Variants in PBX1 observed in about 807,000 individuals in gnomAD.
PBX1 encodes pre-B-cell leukemia transcription factor 1.
PBX1 carries 6 observed loss-of-function variants against 53.4 expected under a neutral mutation model. That is an observed-to-expected ratio of 0.11 (90% confidence interval 0.06 to 0.22). The LOEUF (loss-of-function observed/expected upper bound fraction) is 0.22, where lower values mean the gene tolerates loss of function less well. Ranked by LOEUF, PBX1 falls within the 10% of genes least tolerant of loss-of-function variation. The probability of loss-of-function intolerance (pLI) is 1.00; values close to 1 mark genes in which losing one functional copy is unlikely to be tolerated. For synonymous variants in PBX1, 204 were observed against 212.3 expected, an observed-to-expected ratio of 0.96 and a Z score of 0.34; for missense variants, 251 against 551.4, an observed-to-expected ratio of 0.46 and a Z score of 5.46.
intron 2 of PBX1, among the ~76,000 whole-genome samples, chr1:164,648,599 ATAG>A (rs1659603175): frequency 6.6e-6 from 1 of 152,222 alleles, no homozygotes; most frequent in African/African-American, 2.4e-5. Context: ...AAACCTGTAA[ATAG>A]TAGAGAAGGG....
intron 2 of PBX1, among the ~76,000 whole-genome samples, chr1:164,743,285 AT>A (rs1275497400): frequency 6.6e-6 from 1 of 152,172 alleles, no homozygotes; most frequent in Admixed American, 6.5e-5. Context: ...CAATCTTAGA[AT>A]TTTGGTTGAC....
intron 2 of PBX1, among the ~76,000 whole-genome samples, chr1:164,596,871 TA>T (rs879334067): frequency 2.9e-3 from 414 of 142,284 alleles, no homozygotes; most frequent in Middle Eastern, 7.1e-3. Context: ...TTTTCTAAAT[TA>T]AAAAAAAAAA....
At chr1:164,737,471 T>C (rs891325698) in intron 2 of PBX1, among the ~76,000 whole-genome samples, 3 of 152,096 alleles carry the variant, frequency 2.0e-5, no homozygotes, top group Non-Finnish European at 2.9e-5. Context: ...TTTACTTGTT[T>C]TTTTCTTTCC....
At chr1:164,711,893 G>A (rs1044907174) in intron 2 of PBX1, among the ~76,000 whole-genome samples, 14 of 152,180 alleles carry the variant, frequency 9.2e-5, no homozygotes, top group Admixed American at 3.9e-4. Context: ...AAGCATGGCC[G>A]TGGGGGCTGA....
chr1:164,673,458 T>C (rs1241221770), intron 2 of PBX1, among the ~76,000 whole-genome samples: 1 of 148,010 alleles, frequency 6.8e-6, no homozygotes, highest in Non-Finnish European at 1.5e-5. Flanking sequence ...TTCTGGAAAA[T>C]TACTAACTTT....
intron 2 of PBX1, among the ~76,000 whole-genome samples, chr1:164,861,760 G>A (rs1470720555): frequency 2.0e-5 from 3 of 152,220 alleles, no homozygotes; most frequent in African/African-American, 4.8e-5. Flanking sequence ...TGAGCAAGCT[G>A]TGGAAGGAAT....
intron 2 of PBX1, among the ~76,000 whole-genome samples, chr1:164,618,310 G>C (rs945279966): frequency 9.2e-5 from 13 of 140,664 alleles, no homozygotes; most frequent in East Asian, 2.3e-4. Flanking sequence ...GGGGGGGGGG[G>C]CACTCAAGAT....
intron 2 of PBX1, among the ~76,000 whole-genome samples, chr1:164,743,048 G>T (rs1571322750): frequency 6.6e-6 from 1 of 152,354 alleles, no homozygotes; most frequent in East Asian, 1.9e-4. Context: ...AGCCAGTGAA[G>T]AAGATTCCTA....
At chr1:164,624,399 GGTATGT>G (rs1383538787) in intron 2 of PBX1, among the ~76,000 whole-genome samples, 1 of 152,118 alleles carries the variant, frequency 6.6e-6, no homozygotes, top group Admixed American at 6.6e-5. Context: ...AACAAGGAGT[GGTATGT>G]GTAAAATCAT....
chr1:164,622,822 CTTT>C (rs11299132), intron 2 of PBX1, among the ~76,000 whole-genome samples: 10 of 106,272 alleles, frequency 9.4e-5, no homozygotes, highest in Admixed American at 2.0e-4. Context: ...CAGTTTCCAT[CTTT>C]TTTTTTTTTT....
At chr1:164,771,714 A>G (rs1004104711) in intron 2 of PBX1, 1 of 152,202 alleles carries the variant, frequency 6.6e-6, no homozygotes, top group African/African-American at 2.4e-5. Context: ...GGCATTTATT[A>G]CACCTCTGTT....
At chr1:164,807,127 C>T (rs1316192593) in intron 4 of PBX1, among the ~76,000 whole-genome samples, 2 of 152,024 alleles carry the variant, frequency 1.3e-5, no homozygotes, top group Non-Finnish European at 2.9e-5. Context: ...TGTTGTGGCA[C>T]GTGCCTGTAA....
At chr1:164,796,683 T>G (rs1668803825) in intron 3 of PBX1, among the ~76,000 whole-genome samples, 1 of 152,168 alleles carries the variant, frequency 6.6e-6, no homozygotes, top group South Asian at 2.1e-4. Flanking sequence ...AGGCTTCCCT[T>G]TCAGTGTCTG....
chr1:164,729,873 T>A (rs527952776), intron 2 of PBX1, among the ~76,000 whole-genome samples: 1 of 152,342 alleles, frequency 6.6e-6, no homozygotes, highest in South Asian at 2.1e-4. Context: ...TTACTGAATA[T>A]TTCCTCTGCA....
At chr1:164,629,521 T>C (rs1011284791) in intron 2 of PBX1, among the ~76,000 whole-genome samples, 1 of 152,168 alleles carries the variant, frequency 6.6e-6, no homozygotes, top group Non-Finnish European at 1.5e-5. Context: ...CTGATTACAT[T>C]CTTAGGGAAA....
At chr1:164,615,635 C>T (rs576983858) in intron 2 of PBX1, among the ~76,000 whole-genome samples, 2 of 152,232 alleles carry the variant, frequency 1.3e-5, no homozygotes, top group Non-Finnish European at 2.9e-5. Context: ...ATTGGATCGA[C>T]GAGGTGGTGA....
chr1:164,701,436 A>G (rs1663114660), intron 2 of PBX1, among the ~76,000 whole-genome samples: 3 of 152,224 alleles, frequency 2.0e-5, no homozygotes, highest in Admixed American at 2.0e-4. Context: ...TCATTAGCCA[A>G]GCTCAGTAAT....
intron 2 of PBX1, among the ~76,000 whole-genome samples, chr1:164,699,129 A>G (rs1662957299): frequency 6.6e-6 from 1 of 152,226 alleles, no homozygotes; most frequent in Non-Finnish European, 1.5e-5. Flanking sequence ...CTGGGTGATC[A>G]TCAGCATTCC....
intron 2 of PBX1, among the ~76,000 whole-genome samples, chr1:164,671,772 C>A (rs752849985): frequency 1.4e-4 from 22 of 152,058 alleles, no homozygotes; most frequent in Non-Finnish European, 3.1e-4. Context: ...GCCTCTGCGC[C>A]TTTGGAATGA....
Sources: gnomAD v4.1 joint callset for allele counts (sites outside exome capture counted in the v4.1 genomes callset) on GRCh38, gnomAD v4.1.1 for gene constraint, MANE v1.5 for transcripts, NCBI Gene and HGNC (gene_info 2026-07-23, HGNC 2026-07-21) for gene names.